The following AMPD3 variants were observed in gnomAD, a reference collection of about 807,000 sequenced individuals.
The protein encoded by AMPD3 is adenosine monophosphate deaminase 3.
In AMPD3, 57 loss-of-function variants were observed where a neutral mutation model predicts 82.3. That is an observed-to-expected ratio of 0.69 (90% confidence interval 0.56 to 0.86). The LOEUF (loss-of-function observed/expected upper bound fraction) is 0.86. Among genes scored for constraint, AMPD3 ranks in the 40% least tolerant of loss-of-function variants. AMPD3 has a pLI of 0.00. For missense variants in AMPD3, 870 were observed against 1,003.8 expected (o/e 0.87, Z 1.80); for synonymous variants, 381 against 394.7 (o/e 0.97, Z 0.41).
chr11:10,502,275 A>T, intron 12 of AMPD3: 1 of 985,454 alleles, frequency 1.0e-6, no homozygotes, highest in African/African-American at 1.7e-5. Flanking sequence ...CACCCCTCCC[A>T]TCCCTTCAGG....
Position 10,478,518 on chromosome 11 carries a change from G to T in AMPD3, c.222-8G>T, listed in dbSNP as rs369069980. 4.3e-6 allele frequency: 7 copies of T among 1,613,928 alleles called. No individual in the cohort carries two copies. The African/African-American group carries it at 8.0e-5, about 18-fold the overall frequency. On this transcript the variant is annotated splice_polypyrimidine_tract_variant and splice_region_variant and intron_variant, in intron 2 of 14. Transcript: ENST00000396553. Reference sequence around the variant, plus strand: ...TGTCTCCCACTTTTCCTTGTCCTTGGCTCTTAGAAAGAAAAGTTTCAAGAT... The same window carrying T: ...TGTCTCCCACTTTTCCTTGTCCTTGTCTCTTAGAAAGAAAAGTTTCAAGAT...
chr11:10,479,105 G>A (rs1848829091), intron 3 of AMPD3, among the ~76,000 whole-genome samples: 1 of 152,176 alleles, frequency 6.6e-6, no homozygotes, highest in Non-Finnish European at 1.5e-5. Flanking sequence ...ATGGTACTGA[G>A]TGGTTTGTGT....
upstream of AMPD3, chr11:10,451,051 C>A (rs1279587546): frequency 1.9e-6 from 3 of 1,576,776 alleles, no homozygotes; most frequent in Admixed American, 1.7e-5. Context: ...CCGGTGAGTG[C>A]GCGCGAGGCT....
intron 2 of AMPD3, among the ~76,000 whole-genome samples, chr11:10,463,879 G>A (rs1218649819): frequency 2.0e-5 from 3 of 152,212 alleles, no homozygotes; most frequent in Non-Finnish European, 2.9e-5. Flanking sequence ...ATCCATTGTG[G>A]AACTTAGTTG....
chr11:10,485,662 C>T (rs943540183), intron 5 of AMPD3, among the ~76,000 whole-genome samples: 19 of 149,532 alleles, frequency 1.3e-4, no homozygotes, highest in African/African-American at 3.2e-4. Flanking sequence ...AGAGAGTTAC[C>T]AGCCCAGAGC....
At chr11:10,490,695 G>GA in intron 6 of AMPD3, 1 of 964,488 alleles carries the variant, frequency 1.0e-6, no homozygotes, top group Middle Eastern at 5.3e-4. Context: ...TGGGGGTAAG[G>GA]ACAGGCTGAC....
chr11:10,501,581 C>A lies in AMPD3; in HGVS notation c.1833C>A (p.Leu611=). 6.2e-7 allele frequency: 1 copy of A among 1,614,204 alleles called. No homozygotes were observed. Among genetic ancestry groups the A allele is most frequent in the South Asian group, 1.1e-5 (1 of 91,080 alleles). The change falls in exon 12 of 15, where the codon CTC becomes CTA. Residue 611 remains leucine (L), a synonymous_variant. Coordinates refer to ENST00000396553, the MANE Select transcript of AMPD3 (RefSeq NM_001025389.2). ...LTADNISHGL[L]LKKSPVLQYL... ...CTGACAACATTTCCCACGGGCTGCT[C>A]CTCAAGAAGGTAACCAGGTCACTCT...
Position 10,493,232 on chromosome 11 carries a change from G to A in AMPD3, c.940-117G>A, listed in dbSNP as rs887794691. On this transcript the variant is annotated intron_variant, in intron 6 of 14. Transcript: ENST00000396553. Reference sequence around the variant, plus strand: ...GGGGTGGGATCCAGACACTGGTGGGGCTGCCCGGATGGCCCATGAGGTGCT... The same window carrying A: ...GGGGTGGGATCCAGACACTGGTGGGACTGCCCGGATGGCCCATGAGGTGCT... 10 of 1,195,466 alleles carry A rather than the reference G, an allele frequency of 8.4e-6. No homozygotes were observed. In the Admixed American group the frequency reaches 1.5e-4, roughly 18 times the overall value. 74.1% of individuals were successfully genotyped at this position (1,195,466 alleles called of 1,614,324 possible).
At chr11:10,457,740 C>T (rs1049009821) in intron 1 of AMPD3, among the ~76,000 whole-genome samples, 10 of 151,988 alleles carry the variant, frequency 6.6e-5, no homozygotes, top group African/African-American at 1.9e-4. Context: ...ACTAAAAATA[C>T]AAAAATTAGC....
rs544078361 is a variant in AMPD3, at chr11:10,474,867, G to A, written c.222-3659G>A. 5.3e-5 allele frequency among the ~76,000 whole-genome samples: 8 copies of A among 152,258 alleles called. No individual in the cohort carries two copies. The East Asian group carries it at 7.7e-4, about 15-fold the overall frequency. ...CAGCTGTAGCCCAGCAAATGCTGGC[G>A]CCCCAGGGGCTAGTGCAAGGTGCAG... is the stretch of plus-strand genomic sequence containing the variant. On this transcript the variant is annotated intron_variant, in intron 2 of 14. Coordinates refer to ENST00000396553, the MANE Select transcript of AMPD3 (RefSeq NM_001025389.2).
At position 10,478,730 on chromosome 11, in the gene AMPD3, G is replaced by A; in HGVS notation, c.426G>A (p.Gly142=). 1 of 1,611,350 alleles carries A rather than the reference G, an allele frequency of 6.2e-7. No individual in the cohort carries two copies. Residue 142 remains glycine (G), a splice_region_variant and synonymous_variant, in exon 3 of 15, where the codon GGG becomes GGA. Transcript: ENST00000396553. ...RVTISGDYCA[G]ITLEDYEQAA... ...CCATCAGCGGAGATTACTGTGCCGG[G>A]GTAAGGCGTCTGTGAGAGTGTTGAA...
In AMPD3 at chr11:10,487,468, G is replaced by T. The variant is rs144295687; in HGVS notation, c.939+104G>T. Reference sequence around the variant, plus strand: ...GCTTGTCCCCTGTGAGAACTTCAGGGCTCCTTGCTAAGGGCGGCCTTCGTG... The same window carrying T: ...GCTTGTCCCCTGTGAGAACTTCAGGTCTCCTTGCTAAGGGCGGCCTTCGTG... On this transcript the variant is annotated intron_variant, in intron 6 of 14. Coordinates refer to ENST00000396553, the MANE Select transcript of AMPD3 (RefSeq NM_001025389.2). The T allele has an allele frequency of 7.1e-3, 11,027 of 1,555,026 alleles. 76 individuals are homozygous for T. The highest frequency in any genetic ancestry group is 8.5e-3 in the Non-Finnish European group (9,559 of 1,130,866).
intron 2 of AMPD3, chr11:10,477,104 C>T: frequency 4.1e-6 from 4 of 985,448 alleles, no homozygotes; most frequent in Non-Finnish European, 4.8e-6. Flanking sequence ...GAAAACTCGG[C>T]AGTGAGGATA....
intron 2 of AMPD3, among the ~76,000 whole-genome samples, chr11:10,469,169 A>G (rs1255228407): frequency 6.6e-6 from 1 of 152,204 alleles, no homozygotes; most frequent in Admixed American, 6.5e-5. Context: ...AGATAGAGAC[A>G]TGAAAAACTC....
At chr11:10,482,286 C>CTCGGTCTATTTTT in intron 4 of AMPD3, 61 bp downstream of exon 4, 1 of 1,579,978 alleles carries the variant, frequency 6.3e-7, no homozygotes, top group South Asian at 1.1e-5. Context: ...CTAGTCAGGG[C>CTCGGTCTATTTTT]TTTTTTCTGG....
In AMPD3 at chr11:10,487,351, A is replaced by G. The variant is rs770816391; in HGVS notation, c.926A>G (p.Tyr309Cys). Residue 309 changes from tyrosine to cysteine, a missense_variant, in exon 6 of 15, where the codon TAT becomes TGT. By Grantham distance (194) the Tyr-to-Cys change is radical. Transcript: ENST00000396553. ...ELKSNPHRDF[Y>C]NVRKVDTHIH... is the part of the protein sequence containing the mutation. The stretch of plus-strand genomic sequence containing the variant: ...AAGAGTAACCCCCACCGGGACTTCT[A>G]TAACGTGAGAAAGGTGCGTTAGGGG... 1 of 1,614,118 alleles carries G rather than the reference A, an allele frequency of 6.2e-7. No individual in the cohort carries two copies. Among genetic ancestry groups the G allele is most frequent in the Non-Finnish European group, 8.5e-7 (1 of 1,180,002 alleles).
chr11:10,488,121 C>T, intron 6 of AMPD3: 10 of 730,862 alleles, frequency 1.4e-5, no homozygotes, highest in Non-Finnish European at 1.7e-5. Context: ...CCTCTCTTCT[C>T]CCACCAAGGG....
At chr11:10,480,057 C>A in intron 3 of AMPD3, 2 of 787,890 alleles carry the variant, frequency 2.5e-6, no homozygotes, top group Non-Finnish European at 3.1e-6. Flanking sequence ...CATATAATAG[C>A]TTCTTTCTCC....
chr11:10,486,479 A>G (rs1341816585), intron 5 of AMPD3: 1 of 877,266 alleles, frequency 1.1e-6, no homozygotes, highest in Non-Finnish European at 1.4e-6. Flanking sequence ...GAGCACCCCC[A>G]TCCCCAAAGG....
Sources: allele counts gnomAD v4.1 joint callset (sites outside exome capture counted in the v4.1 genomes callset), GRCh38; gene constraint gnomAD v4.1.1; transcripts MANE v1.5; gene names NCBI Gene and HGNC (gene_info 2026-07-23, HGNC 2026-07-21).